Variants in GRM8 observed in about 807,000 individuals in gnomAD.
GRM8 encodes metabotropic glutamate receptor 8.
A neutral mutation model predicts 87.2 loss-of-function variants in GRM8; 47 were observed. The observed-to-expected ratio is 0.54, with a 90% confidence interval of 0.43 to 0.69. The LOEUF is 0.69. Among genes scored for constraint, GRM8 ranks in the 30% least tolerant of loss-of-function variants. GRM8 has a pLI of 0.00. For missense variants in GRM8, 1,019 were observed against 1,139.2 expected (o/e 0.89, Z 1.52); for synonymous variants, 396 against 404.5 (o/e 0.98, Z 0.25).
intron 2 of GRM8, among the ~76,000 whole-genome samples, chr7:127,166,267 C>G (rs957906475): frequency 6.6e-6 from 1 of 152,146 alleles, no homozygotes; most frequent in Non-Finnish European, 1.5e-5. Context: ...CCTGCTTCTT[C>G]TCTCTGGTGA....
At chr7:126,917,829 T>C (rs960393689) in intron 3 of GRM8, among the ~76,000 whole-genome samples, 3 of 152,186 alleles carry the variant, frequency 2.0e-5, no homozygotes, top group African/African-American at 4.8e-5. Context: ...TTTAGATAAA[T>C]GTTTTTTGGT....
intron 3 of GRM8, among the ~76,000 whole-genome samples, chr7:127,086,828 C>T (rs1306514221): frequency 6.6e-6 from 1 of 152,200 alleles, no homozygotes; most frequent in African/African-American, 2.4e-5. Flanking sequence ...CAGAGTTCTG[C>T]TCTTGTTCCA....
chr7:127,244,298 G>A (rs1461851550), intron 1 of GRM8, among the ~76,000 whole-genome samples: 1 of 152,228 alleles, frequency 6.6e-6, no homozygotes, highest in Non-Finnish European at 1.5e-5. Flanking sequence ...GAGCAAATCA[G>A]AGTTGTCAAT....
intron 2 of GRM8, among the ~76,000 whole-genome samples, chr7:127,132,747 T>C (rs1421554505): frequency 2.6e-5 from 4 of 151,986 alleles, no homozygotes; most frequent in African/African-American, 9.7e-5. Flanking sequence ...GAAGAGCTGA[T>C]GTAATTATGC....
intron 8 of GRM8, among the ~76,000 whole-genome samples, chr7:126,580,105 G>A (rs1329422558): frequency 6.6e-6 from 1 of 152,072 alleles, no homozygotes; most frequent in Non-Finnish European, 1.5e-5. Context: ...AAAGAGCACT[G>A]TTAAATGATG....
intron 8 of GRM8, among the ~76,000 whole-genome samples, chr7:126,585,779 G>A (rs1225907205): frequency 2.0e-5 from 3 of 152,178 alleles, no homozygotes; most frequent in African/African-American, 7.2e-5. Context: ...ACAAGACAGG[G>A]ATGCCCTCTC....
intron 2 of GRM8, among the ~76,000 whole-genome samples, chr7:127,136,347 C>A (rs1321507468): frequency 1.3e-5 from 2 of 152,042 alleles, no homozygotes; most frequent in Non-Finnish European, 2.9e-5. Context: ...CCCCTAATAG[C>A]CAGAAGCATC....
At chr7:126,786,569 G>T (rs561040717) in intron 6 of GRM8, among the ~76,000 whole-genome samples, 1 of 152,230 alleles carries the variant, frequency 6.6e-6, no homozygotes, top group Admixed American at 6.5e-5. Flanking sequence ...TGCCATTCCT[G>T]CAGTGAGGGG....
chr7:126,800,012 A>C (rs1445162796), intron 6 of GRM8, among the ~76,000 whole-genome samples: 1 of 152,128 alleles, frequency 6.6e-6, no homozygotes, highest in African/African-American at 2.4e-5. Flanking sequence ...AGATAGTTAG[A>C]ATAGGAATAA....
intron 3 of GRM8, among the ~76,000 whole-genome samples, chr7:126,932,054 C>G (rs983013794): frequency 9.2e-5 from 14 of 151,684 alleles, no homozygotes; most frequent in African/African-American, 3.4e-4. Context: ...TAGAAAGAAA[C>G]TTAAGGGTAA....
At chr7:126,997,698 T>C (rs1813323493) in intron 3 of GRM8, among the ~76,000 whole-genome samples, 1 of 151,744 alleles carries the variant, frequency 6.6e-6, no homozygotes, top group Non-Finnish European at 1.5e-5. Flanking sequence ...AACGGATAAA[T>C]TCCTAGGCTC....
intron 3 of GRM8, among the ~76,000 whole-genome samples, chr7:126,909,874 C>A (rs1803109538): frequency 6.6e-6 from 1 of 152,118 alleles, no homozygotes; most frequent in African/African-American, 2.4e-5. Flanking sequence ...AGGTTCAAAG[C>A]CAGATTTGTC....
chr7:126,633,196 C>G (rs1801512606), intron 7 of GRM8, among the ~76,000 whole-genome samples: 1 of 152,028 alleles, frequency 6.6e-6, no homozygotes, highest in Non-Finnish European at 1.5e-5. Context: ...CTGCTGACCA[C>G]AATGCTTTCC....
intron 3 of GRM8, among the ~76,000 whole-genome samples, chr7:127,025,967 C>T (rs1816739277): frequency 6.6e-6 from 1 of 152,050 alleles, no homozygotes. Flanking sequence ...TCATCATTTA[C>T]ATTAGGTATT....
At chr7:126,807,383 G>A (rs1347947621) in intron 6 of GRM8, among the ~76,000 whole-genome samples, 1 of 152,164 alleles carries the variant, frequency 6.6e-6, no homozygotes. Context: ...AAGGAGCAGC[G>A]TTTTTCTCTT....
intron 6 of GRM8, among the ~76,000 whole-genome samples, chr7:126,806,635 C>A (rs1349786555): frequency 6.6e-6 from 1 of 152,228 alleles, no homozygotes; most frequent in African/African-American, 2.4e-5. Context: ...TTTAGCTAAA[C>A]AGAAAAGTTC....
intron 3 of GRM8, among the ~76,000 whole-genome samples, chr7:127,001,138 C>T (rs1813694339): frequency 6.6e-6 from 1 of 151,548 alleles, no homozygotes; most frequent in Non-Finnish European, 1.5e-5. Flanking sequence ...TAGCTTCTGA[C>T]AAAGTGCCAA....
At chr7:127,098,623 C>G (rs925244802) in intron 3 of GRM8, among the ~76,000 whole-genome samples, 1 of 151,922 alleles carries the variant, frequency 6.6e-6, no homozygotes, top group Non-Finnish European at 1.5e-5. Context: ...ATTTTATATA[C>G]ACAAAAAATG....
chr7:127,139,015 T>C (rs1162362486), intron 2 of GRM8, among the ~76,000 whole-genome samples: 2 of 152,146 alleles, frequency 1.3e-5, no homozygotes, highest in Non-Finnish European at 2.9e-5. Flanking sequence ...AGCAGACAGA[T>C]ATATGCGACA....
Sources: gnomAD v4.1 joint callset for allele counts (sites outside exome capture counted in the v4.1 genomes callset) on GRCh38, gnomAD v4.1.1 for gene constraint, MANE v1.5 for transcripts, NCBI Gene and HGNC (gene_info 2026-07-23, HGNC 2026-07-21) for gene names.